Variants in PRPF40B observed in about 807,000 individuals in gnomAD.
The protein encoded by PRPF40B is pre-mRNA processing factor 40B.
In PRPF40B, 56 loss-of-function variants were observed where a neutral mutation model predicts 124.5. That is an observed-to-expected ratio of 0.45 (90% CI 0.36 to 0.56). The LOEUF (loss-of-function observed/expected upper bound fraction) is 0.56, where lower values mean the gene tolerates loss of function less well. PRPF40B is among the 20% of genes least tolerant of loss of function. The pLI, the probability that PRPF40B is intolerant of heterozygous loss-of-function variation, is 0.00. For synonymous variants in PRPF40B, 443 were observed against 426.4 expected (o/e 1.04, Z -0.48); for missense variants, 1,053 against 1,169.5 (o/e 0.90, Z 1.45).
Position 49,633,910 on chromosome 12 carries a change from G to C in PRPF40B, c.630G>C (p.Gln210His). Residue 210 changes from glutamine to histidine, a missense_variant, in exon 10 of 26, where the codon CAG becomes CAC. Physicochemically the swap from Gln to His is conservative, Grantham distance 24. This residue lies in a region of PRPF40B where 895 missense variants were observed against 1,052.2 expected (regional missense o/e 0.85). Coordinates refer to ENST00000548825, the MANE Select transcript of PRPF40B (RefSeq NM_001031698.3). ...AAGKQQQQLP[Q>H]TLQPQPPQPQ... ...GGAAACAGCAGCAGCAGCTGCCACAGACACTTCAGCCACAGCCACCTCAGC... is the reference window on the plus strand; with the variant it reads ...GGAAACAGCAGCAGCAGCTGCCACACACACTTCAGCCACAGCCACCTCAGC... 3.1e-6 allele frequency: 5 copies of C among 1,614,172 alleles called. No homozygotes were observed. Among genetic ancestry groups the C allele is most frequent in the Non-Finnish European group, 3.4e-6 (4 of 1,180,030 alleles).
At chr12:49,633,739 A>G (rs1437312322) in intron 9 of PRPF40B, 78 bp downstream of exon 9, 3 of 1,609,556 alleles carry the variant, frequency 1.9e-6, no homozygotes, top group Non-Finnish European at 2.5e-6. Context: ...CATGATCTCT[A>G]CACTGTGGGA....
chr12:49,635,272 G>C lies in PRPF40B; in HGVS notation c.1166+9G>C, dbSNP rs374467717. The C allele has an allele frequency of 3.1e-6, 5 of 1,611,732 alleles. No individual in the cohort carries two copies. The Admixed American group carries it at 8.4e-5, about 27-fold the overall frequency. On this transcript the variant is annotated intron_variant, in intron 13 of 25. Transcript: ENST00000548825. This position sits in a 1 kb window ranked among gnomAD's most constrained non-coding sequence, Gnocchi z 4.1. The stretch of plus-strand genomic sequence containing the variant: ...TCCACCACCCGCTACCGGTCAGGGG[G>C]CCAGGCTGGGCTGGGACTTGGGAAC...
chr12:49,634,381 C>G lies in PRPF40B; in HGVS notation c.862C>G (p.Pro288Ala). Residue 288 changes from proline (P) to alanine (A), a missense_variant, in exon 11 of 26, where the codon CCA becomes GCA. Transcript: ENST00000548825. ...QQEEEESKPE[P>A]ERSGLSWSNR... is the part of the protein sequence containing the mutation. Reference sequence around the variant, plus strand: ...GGAGGAGGAGGAATCAAAGCCAGAACCAGAGAGGTCTGGCCTCAGTTGGAG... The same window carrying G: ...GGAGGAGGAGGAATCAAAGCCAGAAGCAGAGAGGTCTGGCCTCAGTTGGAG... The G allele has an allele frequency of 1.2e-6, 2 of 1,614,234 alleles. No individual in the cohort carries two copies. Among genetic ancestry groups the G allele is most frequent in the Non-Finnish European group, 1.7e-6 (2 of 1,180,042 alleles).
intron 4 of PRPF40B, 100 bp from the exon 5 acceptor site, chr12:49,632,496 C>A: frequency 7.9e-7 from 1 of 1,258,970 alleles, no homozygotes. Flanking sequence ...GAGCAGGACA[C>A]ATGGATTCTG....
chr12:49,630,241 G>A (rs1941090921), intron 1 of PRPF40B, among the ~76,000 whole-genome samples: 2 of 152,238 alleles, frequency 1.3e-5, no homozygotes, highest in Admixed American at 1.3e-4. Flanking sequence ...GGTAGAGCCA[G>A]TCTGTGCCTG....
chr12:49,635,509 C>T lies in PRPF40B; in HGVS notation c.1275+36C>T. ...CTGGGCAGAATCCTTCAGCCCATCT[C>T]ATCCTGGACTTTCCTTGTCTTTGCT... On this transcript the variant is annotated intron_variant, in intron 14 of 25. Transcript: ENST00000548825. This position sits in a 1 kb window ranked among gnomAD's most constrained non-coding sequence, Gnocchi z 4.1. 2.6e-6 allele frequency: 4 copies of T among 1,565,142 alleles called. No individual in the cohort carries two copies. The highest frequency in any genetic ancestry group is 3.5e-6 in the Non-Finnish European group (4 of 1,148,682).
Position 49,636,720 on chromosome 12 carries a change from G to A in PRPF40B, c.1431G>A (p.Met477Ile). The A allele has an allele frequency of 6.2e-7, 1 of 1,614,188 alleles. No individual in the cohort carries two copies. Among genetic ancestry groups the A allele is most frequent in the Non-Finnish European group, 8.5e-7 (1 of 1,180,020 alleles). ...SFAQDHQLQN[M>I]DKEDALICFE... ...GAACCTCCTGCCTGTCTTTAGACAT[G>A]GACAAGGAAGATGCACTGATCTGTT... Residue 477 changes from methionine to isoleucine, a missense_variant, in exon 16 of 26, where the codon ATG becomes ATA. This residue lies in a region of PRPF40B where 895 missense variants were observed against 1,052.2 expected (regional missense o/e 0.85). Coordinates refer to ENST00000548825, the MANE Select transcript of PRPF40B (RefSeq NM_001031698.3).
chr12:49,638,831 TAC>T (rs1942214873), intron 18 of PRPF40B: 1 of 152,184 alleles, frequency 6.6e-6, no homozygotes, highest in African/African-American at 2.4e-5. Context: ...TACACCTAAT[TAC>T]AGAGATTAAA....
In PRPF40B at chr12:49,630,553, C is replaced by T. The variant is rs769736603; in HGVS notation, c.12C>T (p.Pro4=). MSV[P]DSGPRPPAAP... is the part of the protein sequence containing the mutation. The stretch of plus-strand genomic sequence containing the variant: ...TTTCTCTCCCTCAACAGTCGGTTCC[C>T]GATTCTGGTCCCCGGCCCCCAGCAG... Residue 4 remains proline, a synonymous_variant, in exon 2 of 26, where the codon CCC becomes CCT. Coordinates refer to ENST00000548825, the MANE Select transcript of PRPF40B (RefSeq NM_001031698.3). The T allele has an allele frequency of 1.7e-5, 23 of 1,382,440 alleles. No individual in the cohort carries two copies. In the Admixed American group the frequency reaches 2.9e-4, roughly 17 times the overall value. The allele number at this position is 1,382,440 out of a possible 1,614,324, so 85.6% of individuals were successfully genotyped here.
At chr12:49,632,485 G>A in intron 4 of PRPF40B, 111 bp from the exon 5 acceptor site, 3 of 1,166,530 alleles carry the variant, frequency 2.6e-6, no homozygotes, top group Non-Finnish European at 3.7e-6. Context: ...GAGATCTCTA[G>A]GAGCAGGACA....
At position 49,641,952 on chromosome 12, in the gene PRPF40B, C is replaced by T. The variant is rs778142028; in HGVS notation, c.1812C>T (p.Phe604=). 1.1e-5 allele frequency: 17 copies of T among 1,613,782 alleles called. No homozygotes were observed. The highest frequency in any genetic ancestry group is 3.3e-5 in the Admixed American group (2 of 60,008). ...CVEVNTAFED[F]AHVISFDKRA... Reference sequence around the variant, plus strand: ...AGGTGAACACGGCCTTTGAGGACTTCGCCCACGTCATAAGCTTTGACAAGA... The same window carrying T: ...AGGTGAACACGGCCTTTGAGGACTTTGCCCACGTCATAAGCTTTGACAAGA... The change falls in exon 19 of 26, where the codon TTC becomes TTT. Residue 604 remains phenylalanine, a synonymous_variant. Transcript: ENST00000548825.
chr12:49,637,715 C>G lies in PRPF40B; in HGVS notation c.1676-18C>G, dbSNP rs375291078. On this transcript the variant is annotated intron_variant, in intron 17 of 25. Transcript: ENST00000548825. ...GGAAGCTGCCGCCCGCCAGGCCCCCCTCCCTCCCTCCTTACAGGCTCCACC... is the reference window on the plus strand; with the variant it reads ...GGAAGCTGCCGCCCGCCAGGCCCCCGTCCCTCCCTCCTTACAGGCTCCACC... 3 of 1,543,714 alleles carry G rather than the reference C, an allele frequency of 1.9e-6. No individual in the cohort carries two copies. The highest frequency in any genetic ancestry group is 2.7e-5 in the African/African-American group (2 of 73,488).
At chr12:49,640,342 G>C (rs796836276) in intron 18 of PRPF40B, 26 of 152,388 alleles carry the variant, frequency 1.7e-4, no homozygotes, top group African/African-American at 6.3e-4. Context: ...TTGCGAGGGA[G>C]TACAGATTGG....
intron 6 of PRPF40B, 32 bp downstream of exon 6, chr12:49,632,912 A>G (rs1401327533): frequency 6.2e-7 from 1 of 1,613,272 alleles, no homozygotes; most frequent in Non-Finnish European, 8.5e-7. Flanking sequence ...GTCTCTGGGT[A>G]GAAAGCCTGA....
At chr12:49,634,944 C>G in intron 12 of PRPF40B, 155 bp from the exon 13 acceptor site, 1 of 800,156 alleles carries the variant, frequency 1.2e-6, no homozygotes, top group Non-Finnish European at 1.9e-6. Context: ...CACTTCCTGT[C>G]ACCCCTACTT....
Position 49,631,436 on chromosome 12 carries a change from G to A in PRPF40B, c.120G>A (p.Pro40=), listed in dbSNP as rs151033120. The change falls in exon 3 of 26, where the codon CCG becomes CCA. Residue 40 remains proline (P), a synonymous_variant. Transcript: ENST00000548825. This position sits in a 1 kb window ranked among gnomAD's most constrained non-coding sequence, Gnocchi z 4.3. ...PPPGIPPPFP[P]MGLPPMSQRP... ...CAGGGATCCCCCCACCCTTTCCTCC[G>A]ATGGGGCTACCCCCCATGAGTCAGA... 39 of 1,263,906 alleles carry A rather than the reference G, an allele frequency of 3.1e-5. No individual in the cohort carries two copies. In the African/African-American group the frequency reaches 3.2e-4, roughly 10 times the overall value. The allele number at this position is 1,263,906 out of a possible 1,614,324, so 78.3% of individuals were successfully genotyped here. A position where few individuals can be genotyped will look rare whatever the true frequency, so the allele number is the denominator to read the frequency against.
In PRPF40B at chr12:49,643,745, A is replaced by G. The variant is rs764584707; in HGVS notation, c.2435A>G (p.His812Arg). Reference protein sequence around the residue: ...KPKKKTKKRRHKSNSPESETD... With the variant: ...KPKKKTKKRRRKSNSPESETD... ...AAAAAGAAAACTAAGAAGAGAAGACACAAGTCGGTGAGTGAAGGAACTTCT... is the reference window on the plus strand; with the variant it reads ...AAAAAGAAAACTAAGAAGAGAAGACGCAAGTCGGTGAGTGAAGGAACTTCT... The change falls in exon 24 of 26, where the codon CAC (histidine) becomes CGC (arginine). Residue 812 changes from histidine to arginine, a missense_variant. Transcript: ENST00000548825. 9 of 1,614,048 alleles carry G rather than the reference A, an allele frequency of 5.6e-6. No homozygotes were observed. The highest frequency in any genetic ancestry group is 1.7e-5 in the Admixed American group (1 of 59,996).
chr12:49,639,464 G>A (rs952089783), intron 18 of PRPF40B: 1 of 152,342 alleles, frequency 6.6e-6, no homozygotes, highest in African/African-American at 2.4e-5. Flanking sequence ...ATCCTAGCCG[G>A]GGGCAGTGGG....
intron 4 of PRPF40B, 130 bp from the exon 5 acceptor site, chr12:49,632,466 T>A (rs930492841): frequency 1.0e-6 from 1 of 984,588 alleles, no homozygotes; most frequent in Non-Finnish European, 1.5e-6. Flanking sequence ...GGAAGCCTGT[T>A]AGGGAGCAGA....
Sources: gnomAD v4.1 joint callset for allele counts (sites outside exome capture counted in the v4.1 genomes callset) on GRCh38, gnomAD v4.1.1 for gene constraint, gnomAD v4.1.1 regional missense constraint, Gnocchi (gnomAD v3.1) non-coding constraint, MANE v1.5 for transcripts, NCBI Gene and HGNC (gene_info 2026-07-23, HGNC 2026-07-21) for gene names.